Variants in NAV3 observed in about 807,000 individuals in gnomAD.
NAV3 encodes pore membrane and/or filament interacting like protein 1.
In NAV3, 87 loss-of-function variants were observed where a neutral mutation model predicts 244.7. That is an observed-to-expected ratio of 0.36 (90% CI 0.30 to 0.42). NAV3 has a LOEUF of 0.42. NAV3 is among the 20% of genes least tolerant of loss of function. NAV3 has a pLI of 1.00. For missense variants in NAV3, 2,663 were observed against 2,893.3 expected (o/e 0.92, Z 1.83); for synonymous variants, 1,126 against 1,042.2 (o/e 1.08, Z -1.55).
At chr12:77,668,846 A>T (rs539671430) in intron 2 of NAV3, among the ~76,000 whole-genome samples, 2 of 152,192 alleles carry the variant, frequency 1.3e-5, no homozygotes, top group Non-Finnish European at 2.9e-5. Flanking sequence ...ACACATAGTC[A>T]TCAGGTTATC....
chr12:77,998,506 AG>A, intron 7 of NAV3, 30 bp downstream of exon 7: 1 of 1,576,582 alleles, frequency 6.3e-7, no homozygotes, highest in South Asian at 1.2e-5. Flanking sequence ...TTATGACACA[AG>A]TCCAACATGA....
At chr12:77,995,017 T>G (rs915902406) in intron 6 of NAV3, 146 bp downstream of exon 6, 3 of 576,932 alleles carry the variant, frequency 5.2e-6, no homozygotes, top group East Asian at 5.8e-5. Flanking sequence ...TTTTCACACA[T>G]AGCCTCAGGG....
chr12:77,768,246 G>T (rs1592664102), intron 2 of NAV3, among the ~76,000 whole-genome samples: 1 of 152,206 alleles, frequency 6.6e-6, no homozygotes, highest in East Asian at 1.9e-4. Context: ...TCCAGGCCCT[G>T]GACTCCATCT....
intron 1 of NAV3, among the ~76,000 whole-genome samples, chr12:77,881,276 TC>T (rs1188073631): frequency 1.3e-5 from 2 of 152,148 alleles, no homozygotes; most frequent in Non-Finnish European, 2.9e-5. Context: ...TTGGTCTGTC[TC>T]TCTAGCCCAC....
intron 23 of NAV3, among the ~76,000 whole-genome samples, chr12:78,161,054 G>A (rs1382359247): frequency 6.6e-6 from 1 of 151,956 alleles, no homozygotes; most frequent in African/African-American, 2.4e-5. Flanking sequence ...GCTTTTTAGA[G>A]CAGCTGACGG....
chr12:78,189,602 T>C (rs1482404980), intron 33 of NAV3, among the ~76,000 whole-genome samples: 4 of 151,356 alleles, frequency 2.6e-5, no homozygotes, highest in South Asian at 2.1e-4. Context: ...AATCTTCACA[T>C]TTATTCTTCA....
intron 5 of NAV3, among the ~76,000 whole-genome samples, chr12:77,977,712 G>GCGCGCGCACACA (rs1349366739): frequency 7.0e-6 from 1 of 143,000 alleles, no homozygotes. Flanking sequence ...ACACACACGC[G>GCGCGCGCACACA]CACACACACA....
chr12:77,822,829 A>T (rs1872802287), intron 2 of NAV3, among the ~76,000 whole-genome samples: 1 of 152,182 alleles, frequency 6.6e-6, no homozygotes, highest in South Asian at 2.1e-4. Flanking sequence ...GGATAATTTT[A>T]AAAAATGAAG....
intron 3 of NAV3, among the ~76,000 whole-genome samples, chr12:77,953,207 T>G (rs998493910): frequency 5.3e-5 from 8 of 152,122 alleles, no homozygotes. Context: ...ATAGCAGGGT[T>G]TTGAACAAAA....
rs544464011 is a variant in NAV3, at chr12:78,009,109, A to C, written c.1907+1664A>C. ...CAAGCTTTTAAAAAAATTGTTTGCA[A>C]TAAAATATCCAGTGGAAACAAATTT... On this transcript the variant is annotated intron_variant, in intron 8 of 39. Transcript: ENST00000397909. Among the ~76,000 whole-genome samples the C allele has an allele frequency of 5.9e-5, 9 of 152,304 alleles. No individual in the cohort carries two copies. In the South Asian group the frequency reaches 1.2e-3, roughly 21 times the overall value.
At chr12:77,989,469 C>CAAA (rs1555252044) in intron 5 of NAV3, among the ~76,000 whole-genome samples, 6 of 151,132 alleles carry the variant, frequency 4.0e-5, no homozygotes, top group Non-Finnish European at 8.8e-5. Context: ...AACCAACCAA[C>CAAA]CAAACAAACA....
chr12:77,815,658 T>C (rs552036808), intron 2 of NAV3, among the ~76,000 whole-genome samples: 1 of 152,304 alleles, frequency 6.6e-6, no homozygotes, highest in East Asian at 1.9e-4. Context: ...TATTAGACCA[T>C]CACAGTTGTA....
intron 11 of NAV3, among the ~76,000 whole-genome samples, chr12:78,057,530 A>T (rs1238288264): frequency 6.6e-6 from 1 of 152,188 alleles, no homozygotes; most frequent in African/African-American, 2.4e-5. Flanking sequence ...TTTCACTTTC[A>T]GGATATGAGC....
intron 1 of NAV3, among the ~76,000 whole-genome samples, chr12:77,906,862 A>T (rs944261981): frequency 6.6e-6 from 1 of 152,118 alleles, no homozygotes; most frequent in Non-Finnish European, 1.5e-5. Flanking sequence ...TGCTAACCCT[A>T]TATAATTTTG....
chr12:77,656,885 A>G lies in NAV3; in HGVS notation c.72+84619A>G, dbSNP rs1480450192. On this transcript the variant is annotated intron_variant, in intron 2 of 8. Coordinates refer to the NAV3 transcript ENST00000550042. ...TGGGTACATAACAAAATGAAGGCAGAAATAAAGATGTTCTTTGAAACCAAC... is the reference window on the plus strand; with the variant it reads ...TGGGTACATAACAAAATGAAGGCAGGAATAAAGATGTTCTTTGAAACCAAC... Among the ~76,000 whole-genome samples the G allele has an allele frequency of 2.6e-5, 4 of 152,256 alleles. No homozygotes were observed. The East Asian group carries it at 7.7e-4, about 29-fold the overall frequency.
intron 12 of NAV3, among the ~76,000 whole-genome samples, chr12:78,092,041 C>T (rs1023801142): frequency 1.3e-5 from 2 of 152,134 alleles, no homozygotes; most frequent in African/African-American, 4.8e-5. Context: ...CACCAAACAT[C>T]CACACCTACG....
chr12:77,663,103 C>CT, intron 2 of NAV3, among the ~76,000 whole-genome samples: 1 of 152,226 alleles, frequency 6.6e-6, no homozygotes, highest in East Asian at 1.9e-4. Context: ...AAGCACAAAT[C>CT]TTTTTTATTA....
chr12:78,158,989 G>C (rs1420344372), intron 22 of NAV3, among the ~76,000 whole-genome samples: 1 of 152,132 alleles, frequency 6.6e-6, no homozygotes, highest in African/African-American at 2.4e-5. Context: ...TTAAATGCCA[G>C]GAGACTGAAA....
intron 12 of NAV3, among the ~76,000 whole-genome samples, chr12:78,095,769 T>C (rs1006650258): frequency 6.6e-5 from 10 of 152,162 alleles, no homozygotes; most frequent in Non-Finnish European, 1.5e-4. Context: ...ATCTAGGTTT[T>C]TGTCTTGGGT....
Sources: allele counts gnomAD v4.1 joint callset (sites outside exome capture counted in the v4.1 genomes callset), GRCh38; gene constraint gnomAD v4.1.1; transcripts MANE v1.5; gene names NCBI Gene and HGNC (gene_info 2026-07-23, HGNC 2026-07-21).